Variants in SYT9 observed in about 807,000 individuals in gnomAD.
SYT9 encodes the protein synaptotagmin-9.
A neutral mutation model predicts 48.4 loss-of-function variants in SYT9; 22 were observed. The ratio of observed to expected loss-of-function variants is 0.45; its 90% CI spans 0.32 to 0.65. The LOEUF is 0.65. Among genes scored for constraint, SYT9 ranks in the 30% least tolerant of loss-of-function variants. The probability of loss-of-function intolerance (pLI) is 0.03; values close to 1 mark genes in which losing one functional copy is unlikely to be tolerated. For missense variants in SYT9, 577 were observed against 622.0 expected, an observed-to-expected ratio of 0.93 and a Z score of 0.77; for synonymous variants, 265 against 245.0, an observed-to-expected ratio of 1.08 and a Z score of -0.76.
intron 3 of SYT9, among the ~76,000 whole-genome samples, chr11:7,373,357 T>C (rs1850397131): frequency 6.6e-6 from 1 of 152,152 alleles, no homozygotes; most frequent in African/African-American, 2.4e-5. Flanking sequence ...CGTGTTATTT[T>C]ATCATTCCCA....
In SYT9 at chr11:7,240,182, C is replaced by T. The variant is rs868230372; in HGVS notation, c.49+1266C>T. On this transcript the variant is annotated intron_variant and NMD_transcript_variant, in intron 1 of 8. Coordinates refer to the SYT9 transcript ENST00000524820. ...GAAAACCAAGGCACATCTCAGAGGT[C>T]CAAGTGGTGAGCTGTTGTCCAGCCT... 2.0e-5 allele frequency among the ~76,000 whole-genome samples: 3 copies of T among 152,234 alleles called. No homozygotes were observed. In the South Asian group the frequency reaches 6.2e-4, roughly 32 times the overall value.
Position 7,252,165 on chromosome 11 carries a change from G to C in SYT9, c.-22G>C. On this transcript the variant is annotated 5_prime_UTR_variant, in exon 1 of 7. Transcript: ENST00000318881. The surrounding 1 kb of genome is among the most constrained non-coding windows in gnomAD (Gnocchi z 6.3). ...TCTCCTGCGCCCGCCTGCCCGGCGC[G>C]GTCCGAGGATGCGGGGGGGCGATGC... 3 of 1,416,436 alleles carry C rather than the reference G, an allele frequency of 2.1e-6. No homozygotes were observed. Among genetic ancestry groups the C allele is most frequent in the Non-Finnish European group, 2.8e-6 (3 of 1,088,988 alleles). 87.7% of individuals were successfully genotyped at this position (1,416,436 alleles called of 1,614,324 possible).
At chr11:7,389,978 C>A (rs150284717) in intron 3 of SYT9, among the ~76,000 whole-genome samples, 2 of 152,286 alleles carry the variant, frequency 1.3e-5, no homozygotes, top group Middle Eastern at 3.4e-3. Flanking sequence ...AGAATTAGAG[C>A]ACAATAAATA....
chr11:7,281,240 G>A (rs1041435229), intron 1 of SYT9, among the ~76,000 whole-genome samples: 1 of 152,204 alleles, frequency 6.6e-6, no homozygotes, highest in African/African-American at 2.4e-5. Context: ...CTGCCCCTGG[G>A]CATCACAATG....
intron 6 of SYT9, among the ~76,000 whole-genome samples, chr11:7,442,741 T>C (rs1847850352): frequency 6.6e-6 from 1 of 152,188 alleles, no homozygotes; most frequent in African/African-American, 2.4e-5. Context: ...GCAGTAGGCC[T>C]TTCCTAGGGC....
intron 3 of SYT9, 83 bp from the exon 4 acceptor site, chr11:7,415,959 C>G: frequency 1.3e-6 from 2 of 1,569,284 alleles, no homozygotes; most frequent in Non-Finnish European, 1.7e-6. Context: ...AGTGTGTTCC[C>G]TTTCAGTGTG....
intron 3 of SYT9, 63 bp from the exon 4 acceptor site, chr11:7,415,979 T>G: frequency 6.2e-7 from 1 of 1,607,498 alleles, no homozygotes; most frequent in Non-Finnish European, 8.5e-7. Flanking sequence ...GGCCTGAAGC[T>G]GAGCCTCTTG....
At position 7,450,263 on chromosome 11, in the gene SYT9, C is replaced by T. The variant is rs527920348; in HGVS notation, c.1468-16529C>T. 2.0e-5 allele frequency: 3 copies of T among 152,360 alleles called. No individual in the cohort carries two copies. In the East Asian group the frequency reaches 5.8e-4, roughly 29 times the overall value. 9.4% of individuals were successfully genotyped at this position (152,360 alleles called of 1,614,324 possible). On this transcript the variant is annotated intron_variant, in intron 6 of 6. Coordinates refer to ENST00000318881, the MANE Select transcript of SYT9 (RefSeq NM_175733.4). The stretch of plus-strand genomic sequence containing the variant: ...CTTCATGGTTATATGCCCCAGCACA[C>T]TCTTGTCAGGGTCTTGACTCCAATG...
At chr11:7,330,431 G>A (rs1849506951) in intron 3 of SYT9, among the ~76,000 whole-genome samples, 1 of 152,100 alleles carries the variant, frequency 6.6e-6, no homozygotes, top group Non-Finnish European at 1.5e-5. Flanking sequence ...TGAGGGAATT[G>A]AGGGGTTGGG....
chr11:7,339,169 C>A (rs76779148), intron 3 of SYT9, among the ~76,000 whole-genome samples: 3,751 of 152,050 alleles, frequency 0.025, 154 homozygotes, highest in African/African-American at 0.084. Flanking sequence ...GTTAGGATTG[C>A]AACTCCTGCT....
upstream of SYT9, among the ~76,000 whole-genome samples, chr11:7,247,684 G>GTATA (rs71470467): frequency 6.4e-4 from 91 of 142,978 alleles, no homozygotes; most frequent in African/African-American, 1.8e-3. Context: ...ATATATGTGT[G>GTATA]TATATATATA....
chr11:7,313,542 G>A lies in SYT9; in HGVS notation c.645G>A (p.Arg215=). The stretch of plus-strand genomic sequence containing the variant: ...CATTGGATAATGATGACGGGAGACG[G>A]AGTAACAGCAAGGCTTGTGGGAAAC... ...QRSLDNDDGR[R]SNSKACGKLN... The change falls in exon 3 of 7, where the codon CGG becomes CGA. Residue 215 remains arginine (R), a synonymous_variant. Transcript: ENST00000318881. 1 of 1,614,134 alleles carries A rather than the reference G, an allele frequency of 6.2e-7. No individual in the cohort carries two copies. The highest frequency in any genetic ancestry group is 8.5e-7 in the Non-Finnish European group (1 of 1,180,000).
intron 3 of SYT9, among the ~76,000 whole-genome samples, chr11:7,352,726 G>A (rs1849941570): frequency 6.6e-6 from 1 of 152,164 alleles, no homozygotes; most frequent in Non-Finnish European, 1.5e-5. Flanking sequence ...AAAAGCTGAA[G>A]TAGCAACACA....
At chr11:7,389,018 G>A (rs1850712772) in intron 3 of SYT9, among the ~76,000 whole-genome samples, 1 of 152,188 alleles carries the variant, frequency 6.6e-6, no homozygotes, top group African/African-American at 2.4e-5. Flanking sequence ...ACATTGTGTG[G>A]TTGTTTAATA....
chr11:7,458,925 T>C (rs1286538149), intron 6 of SYT9, among the ~76,000 whole-genome samples: 1 of 152,238 alleles, frequency 6.6e-6, no homozygotes, highest in Non-Finnish European at 1.5e-5. Context: ...TGCTGCTGTG[T>C]TGAGAATAGA....
In SYT9 at chr11:7,416,168, G is replaced by T; in HGVS notation, c.1165+6G>T. The T allele has an allele frequency of 1.2e-6, 2 of 1,614,036 alleles. No homozygotes were observed. The highest frequency in any genetic ancestry group is 1.7e-6 in the Non-Finnish European group (2 of 1,179,940). On this transcript the variant is annotated splice_donor_region_variant and intron_variant, in intron 4 of 6. Coordinates refer to ENST00000318881, the MANE Select transcript of SYT9 (RefSeq NM_175733.4). ...GGACATAACAGGAGCATCAGGTGGG[G>T]CATTTTCAAATTCAGACTTCCTCAT...
chr11:7,343,975 C>A (rs925940995), intron 3 of SYT9, among the ~76,000 whole-genome samples: 3 of 152,136 alleles, frequency 2.0e-5, no homozygotes, highest in Non-Finnish European at 4.4e-5. Context: ...GAACAGTATG[C>A]TGGAAACTGC....
At chr11:7,418,536 G>A (rs995000568) in intron 5 of SYT9, among the ~76,000 whole-genome samples, 36 of 152,118 alleles carry the variant, frequency 2.4e-4, no homozygotes, top group Admixed American at 1.4e-3. Context: ...GATTACTTTC[G>A]CCAGACCATC....
At chr11:7,276,071 C>T (rs77073065) in intron 1 of SYT9, among the ~76,000 whole-genome samples, 6,402 of 152,164 alleles carry the variant, frequency 0.042, 264 homozygotes, top group African/African-American at 0.11. Context: ...AATACACCAT[C>T]CCCCACCCCC....
Sources: gnomAD v4.1 joint callset for allele counts (sites outside exome capture counted in the v4.1 genomes callset) on GRCh38, gnomAD v4.1.1 for gene constraint, Gnocchi (gnomAD v3.1) non-coding constraint, MANE v1.5 for transcripts, NCBI Gene and HGNC (gene_info 2026-07-23, HGNC 2026-07-21) for gene names.